Variants in SLC36A4 observed in about 807,000 individuals in gnomAD.
The protein encoded by SLC36A4 is solute carrier family 36 member 4.
Under a neutral mutation model 50.5 loss-of-function variants are expected in SLC36A4, and 49 were observed. That is an observed-to-expected ratio of 0.97 (90% confidence interval 0.77 to 1.23). The LOEUF is 1.23. Among genes scored for constraint, SLC36A4 ranks in the 50% most tolerant of loss-of-function variants. SLC36A4 has a pLI of 0.00. For synonymous variants in SLC36A4, 207 were observed against 206.5 expected, an observed-to-expected ratio of 1.00 and a Z score of -0.02; for missense variants, 611 against 608.4, an observed-to-expected ratio of 1.00 and a Z score of -0.05.
intron 1 of SLC36A4, among the ~76,000 whole-genome samples, chr11:93,188,990 G>A (rs1251541911): frequency 6.6e-6 from 1 of 151,280 alleles, no homozygotes; most frequent in Non-Finnish European, 1.5e-5. Flanking sequence ...TCATGTCTGT[G>A]TTTAAATTTC....
chr11:93,155,060 T>A (rs1393011580), intron 9 of SLC36A4: 1 of 152,104 alleles, frequency 6.6e-6, no homozygotes, highest in African/African-American at 2.4e-5. Context: ...AAGAAGACTT[T>A]TTAAACGTTA....
chr11:93,195,750 AT>A (rs1466960510), intron 1 of SLC36A4, among the ~76,000 whole-genome samples: 1 of 152,106 alleles, frequency 6.6e-6, no homozygotes, highest in Non-Finnish European at 1.5e-5. Context: ...TCCTTTAGTT[AT>A]TCTTTCTGCC....
At chr11:93,154,978 T>C (rs545379421) in intron 9 of SLC36A4, 6 of 152,252 alleles carry the variant, frequency 3.9e-5, no homozygotes, top group African/African-American at 1.4e-4. Flanking sequence ...TTCTACATTA[T>C]GGATAACCTC....
intron 6 of SLC36A4, among the ~76,000 whole-genome samples, chr11:93,169,110 C>G (rs1471769729): frequency 6.6e-6 from 1 of 152,072 alleles, no homozygotes; most frequent in Non-Finnish European, 1.5e-5. Context: ...TACACACACT[C>G]TAAAAATTCT....
At chr11:93,189,838 T>C (rs1862140521) in intron 1 of SLC36A4, among the ~76,000 whole-genome samples, 1 of 152,218 alleles carries the variant, frequency 6.6e-6, no homozygotes. Flanking sequence ...CTCTAAATGA[T>C]GTTTATTTGT....
intron 6 of SLC36A4, among the ~76,000 whole-genome samples, chr11:93,172,318 AGTG>A (rs1036455542): frequency 1.3e-5 from 2 of 152,010 alleles, no homozygotes; most frequent in African/African-American, 4.8e-5. Context: ...TAAGTTCTTT[AGTG>A]GTGATTTGTG....
chr11:93,173,563 G>T (rs1861290307), intron 6 of SLC36A4, among the ~76,000 whole-genome samples: 1 of 133,334 alleles, frequency 7.5e-6, no homozygotes, highest in South Asian at 2.7e-4. Flanking sequence ...TTTCTTCTAG[G>T]GTTTTTATGG....
intron 9 of SLC36A4, among the ~76,000 whole-genome samples, chr11:93,157,760 C>A (rs987037172): frequency 1.3e-5 from 2 of 152,102 alleles, no homozygotes; most frequent in African/African-American, 4.8e-5. Flanking sequence ...GCTTAAGAAG[C>A]CTTTGGGCTT....
At chr11:93,181,310 T>C (rs1861723455) in intron 5 of SLC36A4, among the ~76,000 whole-genome samples, 1 of 152,106 alleles carries the variant, frequency 6.6e-6, no homozygotes, top group African/African-American at 2.4e-5. Flanking sequence ...CAAATTTATT[T>C]GAAATAATGA....
intron 6 of SLC36A4, among the ~76,000 whole-genome samples, chr11:93,176,849 G>A (rs1250916854): frequency 6.6e-6 from 1 of 152,172 alleles, no homozygotes; most frequent in Non-Finnish European, 1.5e-5. Flanking sequence ...CCCTTTGCAG[G>A]TAACCTGACC....
intron 1 of SLC36A4, 55 bp from the exon 2 acceptor site, chr11:93,185,869 C>G (rs952229485): frequency 1.4e-4 from 208 of 1,479,522 alleles, no homozygotes; most frequent in Middle Eastern, 3.6e-4. Context: ...TTGGATAAAG[C>G]TGGTATAAAT....
chr11:93,177,482 T>G (rs538056267), intron 6 of SLC36A4, among the ~76,000 whole-genome samples: 6 of 152,312 alleles, frequency 3.9e-5, no homozygotes, highest in Admixed American at 1.3e-4. Context: ...CTGTCCAGCT[T>G]TGTTCCGTTG....
intron 2 of SLC36A4, 63 bp from the exon 3 acceptor site, chr11:93,184,583 G>T: frequency 1.0e-6 from 1 of 994,388 alleles, no homozygotes; most frequent in South Asian, 1.4e-5. Context: ...ACATGATCAT[G>T]GTTTTAGTAC....
chr11:93,158,188 A>G (rs1860452599), intron 9 of SLC36A4, among the ~76,000 whole-genome samples: 1 of 152,144 alleles, frequency 6.6e-6, no homozygotes, highest in Admixed American at 6.6e-5. Flanking sequence ...AAGTTACCAA[A>G]TATATACCAC....
chr11:93,157,563 C>A (rs1325064022), intron 9 of SLC36A4, among the ~76,000 whole-genome samples: 1 of 152,100 alleles, frequency 6.6e-6, no homozygotes, highest in Admixed American at 6.6e-5. Flanking sequence ...CTTTCACATC[C>A]CTGGTTAGCT....
rs1428724209 is a variant in SLC36A4, at chr11:93,144,519, G to A, written c.*4018C>T. 6.6e-6 allele frequency: 1 copy of A among 151,948 alleles called. No individual in the cohort carries two copies. Among genetic ancestry groups the A allele is most frequent in the African/African-American group, 2.4e-5 (1 of 41,390 alleles). The allele number at this position is 151,948 out of a possible 1,614,324, so 9.4% of individuals were successfully genotyped here. A position where few individuals can be genotyped will look rare whatever the true frequency, so the allele number is the denominator to read the frequency against. Reference sequence around the variant, plus strand: ...TTTGTGTGTGTGTCTGCATATACTTGTGCACGCATGCATGTAGGAACTAGC... The same window carrying A: ...TTTGTGTGTGTGTCTGCATATACTTATGCACGCATGCATGTAGGAACTAGC... On this transcript the variant is annotated 3_prime_UTR_variant, in exon 11 of 11. Transcript: ENST00000326402.
rs1860736158 is a variant in SLC36A4, at chr11:93,163,748, T to C, written c.868-873A>G. On this transcript the variant is annotated intron_variant, in intron 8 of 10. Transcript: ENST00000326402. ...TAGGAGGGGGATTAGTTCTATCGCC[T>C]GGAGGGAGGAGGGTTTCTAGGATTC... 2.0e-5 allele frequency among the ~76,000 whole-genome samples: 3 copies of C among 152,006 alleles called. No homozygotes were observed. The South Asian group carries it at 6.2e-4, about 32-fold the overall frequency.
chr11:93,144,623 C>A lies in SLC36A4; in HGVS notation c.*3914G>T, dbSNP rs1280258291. 1 of 151,988 alleles carries A rather than the reference C, an allele frequency of 6.6e-6. No homozygotes were observed. The highest frequency in any genetic ancestry group is 1.5e-5 in the Non-Finnish European group (1 of 67,966). The allele number at this position is 151,988 out of a possible 1,614,324, so 9.4% of individuals were successfully genotyped here. On this transcript the variant is annotated 3_prime_UTR_variant, in exon 11 of 11. Coordinates refer to ENST00000326402, the MANE Select transcript of SLC36A4 (RefSeq NM_152313.4). ...ATAGGGCAATAAATAGCATTTCTAGCCATTTCTTAGGCATGTTTCCTTATC... is the reference window on the plus strand; with the variant it reads ...ATAGGGCAATAAATAGCATTTCTAGACATTTCTTAGGCATGTTTCCTTATC...
At position 93,184,650 on chromosome 11, in the gene SLC36A4, C is replaced by T. The variant is rs1861896340; in HGVS notation, c.180-130G>A. ...GAACCAAATAACATTTCCATCCCAC[C>T]ACTGGGCCAGAAGTCATACTTGGTT... On this transcript the variant is annotated intron_variant, in intron 2 of 10. Transcript: ENST00000326402. 1.5e-5 allele frequency: 9 copies of T among 605,066 alleles called. No individual in the cohort carries two copies. The East Asian group carries it at 2.6e-4, about 18-fold the overall frequency. 37.5% of individuals were successfully genotyped at this position (605,066 alleles called of 1,614,324 possible).
Sources: allele counts gnomAD v4.1 joint callset (sites outside exome capture counted in the v4.1 genomes callset), GRCh38; gene constraint gnomAD v4.1.1; transcripts MANE v1.5; gene names NCBI Gene and HGNC (gene_info 2026-07-23, HGNC 2026-07-21).